Variants in FAM209B observed in about 807,000 individuals in gnomAD.
FAM209B encodes the protein protein FAM209B.
Under a neutral mutation model 8.9 loss-of-function variants are expected in FAM209B, and 8 were observed. That is an observed-to-expected ratio of 0.90 (90% confidence interval 0.53 to 1.62). FAM209B has a LOEUF of 1.62. Ranked by LOEUF, FAM209B falls within the 40% of genes most tolerant of loss-of-function variation. FAM209B has a pLI of 0.00. For synonymous variants in FAM209B, 67 were observed against 75.0 expected, an observed-to-expected ratio of 0.89 and a Z score of 0.55; for missense variants, 175 against 205.3, an observed-to-expected ratio of 0.85 and a Z score of 0.90.
chr20:56,534,751 A>G (rs1337301593), intron 1 of FAM209B, among the ~76,000 whole-genome samples: 1 of 138,644 alleles, frequency 7.2e-6, no homozygotes, highest in Non-Finnish European at 1.6e-5. Flanking sequence ...CTGTCTCAAA[A>G]AAAAAAAAAA....
At position 56,536,348 on chromosome 20, in the gene FAM209B, C is replaced by CAGT. The variant is rs762930417; in HGVS notation, c.428_430dup (p.Ser143dup). ...AAGGTGCCATGGCAACAGGCAGTGG[C>CAGT]AGTAACCTCAAGCTTCGAAGGTCAG... On this transcript the variant is annotated inframe_insertion, in exon 2 of 2. Coordinates refer to ENST00000371325, the MANE Select transcript of FAM209B (RefSeq NM_001013646.4). 2.5e-6 allele frequency: 4 copies of CAGT among 1,614,046 alleles called. No homozygotes were observed. In the Admixed American group the frequency reaches 6.7e-5, roughly 27 times the overall value.
Position 56,536,357 on chromosome 20 carries a change from C to A in FAM209B, c.435C>A (p.Leu145=), listed in dbSNP as rs747946777. The part of the protein sequence containing the change: ...GAMATGSGSN[L]KLRRSEMPAD... ...TGGCAACAGGCAGTGGCAGTAACCT[C>A]AAGCTTCGAAGGTCAGAGATGCCTG... The change falls in exon 2 of 2, where the codon CTC becomes CTA. Residue 145 remains leucine (L), a synonymous_variant. Transcript: ENST00000371325. 6.2e-7 allele frequency: 1 copy of A among 1,614,110 alleles called. No homozygotes were observed. The highest frequency in any genetic ancestry group is 1.1e-5 in the South Asian group (1 of 91,062).
At chr20:56,533,619 A>G (rs781632274) in intron 1 of FAM209B, 29 bp downstream of exon 1, 2 of 1,610,026 alleles carry the variant, frequency 1.2e-6, no homozygotes, top group East Asian at 2.2e-5. Flanking sequence ...TTTTTACACC[A>G]TATTGATTCA....
At position 56,536,313 on chromosome 20, in the gene FAM209B, C is replaced by CA. The variant is rs775579469; in HGVS notation, c.392dup (p.Asn132GlufsTer3). The CA allele has an allele frequency of 6.2e-7, 1 of 1,613,992 alleles. No homozygotes were observed. The highest frequency in any genetic ancestry group is 1.3e-5 in the African/African-American group (1 of 75,030). The stretch of plus-strand genomic sequence containing the variant: ...GCTTTTGAAATTTGTGTCCGAAGTG[C>CA]AGAATCTTAAAGGTGCCATGGCAAC... On this transcript the variant is annotated frameshift_variant, in exon 2 of 2. Transcript: ENST00000371325. LOFTEE classifies it low-confidence loss of function (END_TRUNC).
At chr20:56,535,625 G>A (rs1310420366) in intron 1 of FAM209B, among the ~76,000 whole-genome samples, 1 of 151,956 alleles carries the variant, frequency 6.6e-6, no homozygotes, top group Non-Finnish European at 1.5e-5. Context: ...CCAGGAAGTG[G>A]AGGTTGCGGT....
chr20:56,534,985 G>A (rs1412549393), intron 1 of FAM209B, among the ~76,000 whole-genome samples: 2 of 151,526 alleles, frequency 1.3e-5, no homozygotes. Context: ...GGAGGTGGAG[G>A]TTGCAGTGAG....
intron 1 of FAM209B, among the ~76,000 whole-genome samples, chr20:56,534,522 G>A (rs1351345047): frequency 4.0e-5 from 6 of 151,722 alleles, no homozygotes; most frequent in Admixed American, 6.6e-5. Flanking sequence ...AGGCTGAGGC[G>A]GGTGAATCAC....
chr20:56,535,149 G>A (rs1241268227), intron 1 of FAM209B, among the ~76,000 whole-genome samples: 1 of 151,998 alleles, frequency 6.6e-6, no homozygotes, highest in East Asian at 1.9e-4. Flanking sequence ...TTGAACCTGG[G>A]AGGCAGAGGT....
chr20:56,533,474 C>A lies in FAM209B; in HGVS notation c.133C>A (p.Arg45=). 1 of 1,614,118 alleles carries A rather than the reference C, an allele frequency of 6.2e-7. No homozygotes were observed. The highest frequency in any genetic ancestry group is 8.5e-7 in the Non-Finnish European group (1 of 1,180,008). Residue 45 remains arginine, a synonymous_variant, in exon 1 of 2, where the codon CGG becomes AGG. Coordinates refer to ENST00000371325, the MANE Select transcript of FAM209B (RefSeq NM_001013646.4). ...GCCGTGTGGAGAGCACTTTCGGATT[C>A]GGCAGAACCTACCAGAGCACACCCA... The part of the protein sequence containing the change: ...KVPCGEHFRI[R]QNLPEHTQGW...
intron 1 of FAM209B, among the ~76,000 whole-genome samples, chr20:56,534,260 A>C (rs1258535453): frequency 6.6e-6 from 1 of 152,176 alleles, no homozygotes; most frequent in Non-Finnish European, 1.5e-5. Flanking sequence ...TGACTTACTG[A>C]AAATTCCTGA....
chr20:56,535,242 G>A (rs1049898829), intron 1 of FAM209B, among the ~76,000 whole-genome samples: 1 of 151,180 alleles, frequency 6.6e-6, no homozygotes, highest in Non-Finnish European at 1.5e-5. Context: ...AAAATTAGCT[G>A]GTATGGTGGT....
At chr20:56,536,137 A>G (rs775347805) in intron 1 of FAM209B, 35 bp from the exon 2 acceptor site, 160 of 1,496,786 alleles carry the variant, frequency 1.1e-4, no homozygotes, top group African/African-American at 5.6e-5. Flanking sequence ...AGCAAAGTCC[A>G]TGATATTATT....
chr20:56,536,094 T>C, intron 1 of FAM209B, 78 bp from the exon 2 acceptor site: 1 of 1,280,446 alleles, frequency 7.8e-7, no homozygotes, highest in Non-Finnish European at 1.1e-6. Flanking sequence ...TTTTCTTAAA[T>C]GAGCCCAACT....
intron 1 of FAM209B, among the ~76,000 whole-genome samples, chr20:56,534,564 AT>A (rs1985897986): frequency 6.6e-6 from 1 of 151,570 alleles, no homozygotes; most frequent in Non-Finnish European, 1.5e-5. Flanking sequence ...GCTGGGCAAC[AT>A]GGTGAAACCC....
At position 56,533,491 on chromosome 20, in the gene FAM209B, G is replaced by A. The variant is rs1301748864; in HGVS notation, c.150G>A (p.Glu50=). The A allele has an allele frequency of 5.6e-6, 9 of 1,614,050 alleles. No homozygotes were observed. Among genetic ancestry groups the A allele is most frequent in the South Asian group, 1.1e-5 (1 of 91,084 alleles). The stretch of plus-strand genomic sequence containing the variant: ...TTCGGATTCGGCAGAACCTACCAGA[G>A]CACACCCAAGGCTGGCTTGGGAGCA... The part of the protein sequence containing the change: ...EHFRIRQNLP[E]HTQGWLGSKW... Residue 50 remains glutamate, a synonymous_variant, in exon 1 of 2, where the codon GAG becomes GAA. Transcript: ENST00000371325.
At chr20:56,536,064 C>T (rs571167534) in intron 1 of FAM209B, 108 bp from the exon 2 acceptor site, 26 of 972,824 alleles carry the variant, frequency 2.7e-5, no homozygotes, top group South Asian at 1.3e-4. Flanking sequence ...TGCCTGCACT[C>T]GAGCACTGCT....
chr20:56,534,479 G>A (rs1266056915), intron 1 of FAM209B, among the ~76,000 whole-genome samples: 2 of 151,790 alleles, frequency 1.3e-5, no homozygotes, highest in South Asian at 2.1e-4. Flanking sequence ...GGCCAGGCGC[G>A]GTGGCTCACC....
chr20:56,536,308 A>G lies in FAM209B; in HGVS notation c.386A>G (p.Glu129Gly). The change falls in exon 2 of 2, where the codon GAA becomes GGA. Residue 129 changes from glutamate to glycine, a missense_variant. Coordinates refer to ENST00000371325, the MANE Select transcript of FAM209B (RefSeq NM_001013646.4). Reference sequence around the variant, plus strand: ...GTGGAGCTTTTGAAATTTGTGTCCGAAGTGCAGAATCTTAAAGGTGCCATG... The same window carrying G: ...GTGGAGCTTTTGAAATTTGTGTCCGGAGTGCAGAATCTTAAAGGTGCCATG... ...LEVELLKFVS[E>G]VQNLKGAMAT... is the part of the protein sequence containing the mutation. The G allele has an allele frequency of 6.2e-7, 1 of 1,613,956 alleles. No individual in the cohort carries two copies. The highest frequency in any genetic ancestry group is 8.5e-7 in the Non-Finnish European group (1 of 1,179,956).
intron 1 of FAM209B, among the ~76,000 whole-genome samples, chr20:56,534,546 C>T (rs1280137946): frequency 1.3e-5 from 2 of 149,286 alleles, no homozygotes; most frequent in African/African-American, 2.5e-5. Context: ...GTCAGGAGTT[C>T]GAGACCAGCT....
Sources: allele counts gnomAD v4.1 joint callset (sites outside exome capture counted in the v4.1 genomes callset), GRCh38; gene constraint gnomAD v4.1.1; transcripts MANE v1.5; gene names NCBI Gene and HGNC (gene_info 2026-07-23, HGNC 2026-07-21).